PCDH15: variants seen among roughly 807,000 people sequenced by gnomAD.
The protein encoded by PCDH15 is protocadherin-15.
A neutral mutation model predicts 178.5 loss-of-function variants in PCDH15; 129 were observed. That is an observed-to-expected ratio of 0.72 (90% CI 0.63 to 0.84). PCDH15 has a LOEUF of 0.84. Ranked by LOEUF, PCDH15 falls within the 40% of genes least tolerant of loss-of-function variation. PCDH15 has a pLI of 0.00. For missense variants in PCDH15, 2,230 were observed against 2,099.9 expected (o/e 1.06, Z -1.21); for synonymous variants, 800 against 732.0 (o/e 1.09, Z -1.50).
intron 2 of PCDH15, among the ~76,000 whole-genome samples, chr10:54,999,137 G>A (rs1839727672): frequency 6.6e-6 from 1 of 151,736 alleles, no homozygotes; most frequent in Non-Finnish European, 1.5e-5. Flanking sequence ...CTATACATTT[G>A]AAACAATTCA....
intron 2 of PCDH15, among the ~76,000 whole-genome samples, chr10:54,563,242 A>T (rs1230046538): frequency 6.6e-6 from 1 of 151,924 alleles, no homozygotes; most frequent in East Asian, 1.9e-4. Context: ...AAGCCCAGTT[A>T]CTAATAATGC....
chr10:54,331,088 AAG>A (rs370671067), intron 6 of PCDH15, among the ~76,000 whole-genome samples: 11 of 151,434 alleles, frequency 7.3e-5, no homozygotes, highest in African/African-American at 2.4e-4. Context: ...GAGAGAGAGG[AAG>A]AGAGAGAGAG....
chr10:55,213,045 A>C (rs2132172840), intron 1 of PCDH15, among the ~76,000 whole-genome samples: 1 of 152,232 alleles, frequency 6.6e-6, no homozygotes, highest in South Asian at 2.1e-4. Context: ...TTCTGTTCAA[A>C]CACATAGGCA....
At chr10:55,380,124 C>T (rs1837497183) in intron 2 of PCDH15, among the ~76,000 whole-genome samples, 1 of 152,038 alleles carries the variant, frequency 6.6e-6, no homozygotes, top group Non-Finnish European at 1.5e-5. Context: ...AAACACTGGT[C>T]TATTACCCTC....
rs551767131 is a variant in PCDH15 at position 55,579,356 on chromosome 10, G to A, written c.-156+48269C>T. ...AAATGATTTCAAAAGCATTATTAGT[G>A]TAACGCTTCAAACATCAGCTCCTTC... On this transcript the variant is annotated intron_variant, in intron 2 of 5. Transcript: ENST00000613346. 3.3e-5 allele frequency among the ~76,000 whole-genome samples: 5 copies of A among 152,254 alleles called. No homozygotes were observed. The East Asian group carries it at 9.7e-4, about 29-fold the overall frequency.
intron 2 of PCDH15, among the ~76,000 whole-genome samples, chr10:55,098,494 G>A (rs575438948): frequency 3.9e-5 from 6 of 152,242 alleles, no homozygotes; most frequent in East Asian, 1.9e-4. Flanking sequence ...GGAAGCTTTC[G>A]TGGGTGAATG....
chr10:54,737,735 A>C (rs1944299986), intron 1 of PCDH15, among the ~76,000 whole-genome samples: 1 of 152,126 alleles, frequency 6.6e-6, no homozygotes, highest in Admixed American at 6.6e-5. Context: ...ATGGCAAATA[A>C]ATAATTAAAT....
chr10:55,202,385 T>G (rs1840277001), intron 1 of PCDH15, among the ~76,000 whole-genome samples: 1 of 152,138 alleles, frequency 6.6e-6, no homozygotes, highest in Non-Finnish European at 1.5e-5. Context: ...AACCATGTGT[T>G]GTGCAAAGAT....
intron 2 of PCDH15, among the ~76,000 whole-genome samples, chr10:54,543,604 A>G (rs1475379071): frequency 6.6e-6 from 1 of 152,204 alleles, no homozygotes; most frequent in Non-Finnish European, 1.5e-5. Context: ...ATAATATTTC[A>G]TGTAATGAAC....
In PCDH15 at chr10:54,336,203, G is replaced by A. The variant is rs1407797992; in HGVS notation, c.595-6497C>T. On this transcript the variant is annotated intron_variant, in intron 6 of 37. Coordinates refer to ENST00000644397, the MANE Select transcript of PCDH15 (RefSeq NM_001384140.1). The stretch of plus-strand genomic sequence containing the variant: ...AGCATTCAGTTTTAAAAGTGAGACA[G>A]AGCATAAAAATTCAGAAAATTTGCA... Among the ~76,000 whole-genome samples, 5 of 152,272 alleles carry A rather than the reference G, an allele frequency of 3.3e-5. No individual in the cohort carries two copies. The East Asian group carries it at 9.7e-4, about 29-fold the overall frequency.
intron 1 of PCDH15, among the ~76,000 whole-genome samples, chr10:54,692,040 T>G (rs971374420): frequency 3.9e-5 from 6 of 152,156 alleles, no homozygotes; most frequent in African/African-American, 1.4e-4. Flanking sequence ...AATTTAAAAT[T>G]TATCTTCAAT....
At chr10:53,977,353 T>C (rs886445155) in intron 21 of PCDH15, among the ~76,000 whole-genome samples, 1 of 152,190 alleles carries the variant, frequency 6.6e-6, no homozygotes, top group Non-Finnish European at 1.5e-5. Context: ...CCTCATAATG[T>C]TTTAAGACAG....
intron 25 of PCDH15, among the ~76,000 whole-genome samples, chr10:53,904,298 A>G (rs1236743065): frequency 6.6e-6 from 1 of 152,150 alleles, no homozygotes; most frequent in East Asian, 1.9e-4. Context: ...CGTACATACT[A>G]TTTATCAAGG....
At chr10:54,664,333 T>G in intron 1 of PCDH15, 43 bp from the exon 2 acceptor site, 1 of 1,206,708 alleles carries the variant, frequency 8.3e-7, no homozygotes, top group Non-Finnish European at 1.2e-6. Flanking sequence ...ACATGTTCAT[T>G]AATCTGTTAT....
At chr10:55,100,785 A>G (rs1842558677) in intron 2 of PCDH15, among the ~76,000 whole-genome samples, 1 of 152,114 alleles carries the variant, frequency 6.6e-6, no homozygotes, top group East Asian at 1.9e-4. Flanking sequence ...CCCACCTCCA[A>G]CAGTGAGGAT....
At chr10:55,165,727 T>G (rs1007476500) in intron 2 of PCDH15, among the ~76,000 whole-genome samples, 19 of 152,082 alleles carry the variant, frequency 1.2e-4, no homozygotes, top group African/African-American at 3.9e-4. Context: ...CAGTCATGTG[T>G]TTATATACAC....
chr10:54,500,355 C>A (rs1458192134), intron 3 of PCDH15, among the ~76,000 whole-genome samples: 1 of 152,102 alleles, frequency 6.6e-6, no homozygotes, highest in Non-Finnish European at 1.5e-5. Flanking sequence ...CACTCACTAC[C>A]TTGGTGACAA....
chr10:55,108,632 T>A (rs1837419085), intron 2 of PCDH15, among the ~76,000 whole-genome samples: 1 of 152,132 alleles, frequency 6.6e-6, no homozygotes. Flanking sequence ...AAATATAAAC[T>A]GTAACTAATT....
At chr10:55,589,042 A>C (rs4262633) in intron 2 of PCDH15, among the ~76,000 whole-genome samples, 108,800 of 147,166 alleles carry the variant, frequency 0.74, 41,081 homozygotes, top group East Asian at 0.99. Context: ...GATCCCACCA[A>C]TGCACTTCAG....
Sources: allele counts gnomAD v4.1 joint callset (sites outside exome capture counted in the v4.1 genomes callset), GRCh38; gene constraint gnomAD v4.1.1; transcripts MANE v1.5; gene names NCBI Gene and HGNC (gene_info 2026-07-23, HGNC 2026-07-21).